The following PDE4D variants were observed in gnomAD, a reference collection of about 807,000 sequenced individuals.
PDE4D encodes the protein 3',5'-cyclic-AMP phosphodiesterase 4D.
PDE4D carries 24 observed loss-of-function variants against 87.4 expected under a neutral mutation model. That is an observed-to-expected ratio of 0.27 (90% CI 0.20 to 0.39). The LOEUF (loss-of-function observed/expected upper bound fraction) is 0.39. Among genes scored for constraint, PDE4D ranks in the 10% least tolerant of loss-of-function variants. The probability of loss-of-function intolerance (pLI) is 1.00; values close to 1 mark genes in which losing one functional copy is unlikely to be tolerated. For synonymous variants in PDE4D, 384 were observed against 383.2 expected (o/e 1.00, Z -0.02); for missense variants, 714 against 1,041.0 (o/e 0.69, Z 4.32).
intron 1 of PDE4D, among the ~76,000 whole-genome samples, chr5:60,349,152 C>T (rs1313950063): frequency 6.6e-6 from 1 of 152,104 alleles, no homozygotes; most frequent in African/African-American, 2.4e-5. Flanking sequence ...AAGCCAATTG[C>T]TGTTTTTCTC....
chr5:59,582,733 G>T (rs534941570), intron 1 of PDE4D, among the ~76,000 whole-genome samples: 4 of 152,248 alleles, frequency 2.6e-5, no homozygotes, highest in African/African-American at 9.6e-5. Context: ...TCTAATGAAA[G>T]AATTTAGGGT....
chr5:59,905,766 T>C (rs1478869180), intron 3 of PDE4D, among the ~76,000 whole-genome samples: 6 of 152,178 alleles, frequency 3.9e-5, no homozygotes, highest in Non-Finnish European at 5.9e-5. Flanking sequence ...CCATATATGA[T>C]GTTATACATA....
intron 1 of PDE4D, among the ~76,000 whole-genome samples, chr5:60,416,075 T>TTTGTAA (rs1339940006): frequency 1.3e-5 from 2 of 152,188 alleles, no homozygotes; most frequent in Admixed American, 6.5e-5. Context: ...GCACTCTGTG[T>TTTGTAA]CTAGCTCAGG....
intron 5 of PDE4D, among the ~76,000 whole-genome samples, chr5:59,093,207 T>C (rs1769056017): frequency 6.6e-6 from 1 of 152,148 alleles, no homozygotes; most frequent in Admixed American, 6.6e-5. Flanking sequence ...GACTTACTGC[T>C]TGGAGGCAGC....
chr5:59,778,840 T>G (rs1764328862), intron 1 of PDE4D, among the ~76,000 whole-genome samples: 1 of 152,194 alleles, frequency 6.6e-6, no homozygotes, highest in African/African-American at 2.4e-5. Flanking sequence ...TTTATACTGA[T>G]CTATCTACTA....
At chr5:59,380,872 C>CT (rs1368586019) in intron 1 of PDE4D, among the ~76,000 whole-genome samples, 13 of 152,068 alleles carry the variant, frequency 8.5e-5, no homozygotes, top group Non-Finnish European at 8.8e-5. Context: ...CTGCCCACTA[C>CT]TTTTTTTCAT....
At chr5:59,439,226 GCA>G (rs1341320085) in intron 1 of PDE4D, among the ~76,000 whole-genome samples, 1 of 152,064 alleles carries the variant, frequency 6.6e-6, no homozygotes, top group Non-Finnish European at 1.5e-5. Flanking sequence ...GTGCATGGTG[GCA>G]CACACCTGTA....
intron 3 of PDE4D, among the ~76,000 whole-genome samples, chr5:59,952,591 T>C (rs1758416929): frequency 1.3e-5 from 2 of 152,232 alleles, no homozygotes. Context: ...AGGATACTTG[T>C]TGTTGATCCA....
chr5:60,409,034 C>T (rs755661579), intron 1 of PDE4D, among the ~76,000 whole-genome samples: 7 of 152,176 alleles, frequency 4.6e-5, no homozygotes, highest in African/African-American at 7.2e-5. Context: ...GGACACAGCC[C>T]CTGTCCTCTT....
chr5:59,594,124 GC>G (rs1826301573), intron 1 of PDE4D, among the ~76,000 whole-genome samples: 1 of 145,454 alleles, frequency 6.9e-6, no homozygotes, highest in Non-Finnish European at 1.5e-5. Flanking sequence ...GCCCACGTTA[GC>G]CATTCTCTCT....
At chr5:59,376,477 G>A (rs373150422) in intron 1 of PDE4D, among the ~76,000 whole-genome samples, 20 of 152,192 alleles carry the variant, frequency 1.3e-4, no homozygotes, top group African/African-American at 4.8e-4. Context: ...CAGATAACCA[G>A]GGAGGTGAAA....
At chr5:59,718,479 C>T (rs1755345248) in intron 1 of PDE4D, among the ~76,000 whole-genome samples, 1 of 152,138 alleles carries the variant, frequency 6.6e-6, no homozygotes, top group Non-Finnish European at 1.5e-5. Context: ...AGGATTACAA[C>T]TCTTGAAGGC....
intron 1 of PDE4D, among the ~76,000 whole-genome samples, chr5:60,305,187 G>A (rs201163426): frequency 6.6e-6 from 1 of 151,640 alleles, no homozygotes; most frequent in African/African-American, 2.4e-5. Flanking sequence ...CCTTAATAAA[G>A]AACCAATAAA....
intron 1 of PDE4D, among the ~76,000 whole-genome samples, chr5:59,396,148 A>G (rs1450539769): frequency 1.7e-5 from 2 of 119,454 alleles, no homozygotes; most frequent in Non-Finnish European, 3.5e-5. Context: ...ACCAAGTTGG[A>G]AAACACTCTG....
intron 1 of PDE4D, among the ~76,000 whole-genome samples, chr5:60,322,343 A>T (rs1174985648): frequency 1.3e-5 from 2 of 150,646 alleles, no homozygotes; most frequent in African/African-American, 4.9e-5. Flanking sequence ...TGGGAGCTAA[A>T]CATTGAATAT....
At chr5:59,020,926 C>T (rs1004437414) in intron 6 of PDE4D, among the ~76,000 whole-genome samples, 1 of 152,184 alleles carries the variant, frequency 6.6e-6, no homozygotes, top group Non-Finnish European at 1.5e-5. Context: ...CTCTGTTTCT[C>T]AGCTGCATTT....
intron 1 of PDE4D, among the ~76,000 whole-genome samples, chr5:59,522,043 A>C (rs1812338974): frequency 1.3e-5 from 2 of 152,230 alleles, no homozygotes; most frequent in South Asian, 4.1e-4. Flanking sequence ...GTTTGAAATT[A>C]TTATAGAACA....
chr5:60,443,067 A>G (rs1393248925), intron 1 of PDE4D, among the ~76,000 whole-genome samples: 1 of 152,154 alleles, frequency 6.6e-6, no homozygotes, highest in Non-Finnish European at 1.5e-5. Flanking sequence ...ATACGAGCAA[A>G]TAGACAGTTG....
At chr5:59,100,686 T>C (rs558615649) in intron 5 of PDE4D, among the ~76,000 whole-genome samples, 91 of 152,334 alleles carry the variant, frequency 6.0e-4, no homozygotes, top group African/African-American at 2.2e-3. Flanking sequence ...CAGACTTGAA[T>C]GATTTTCTTG....
Sources: allele counts gnomAD v4.1 joint callset (sites outside exome capture counted in the v4.1 genomes callset), GRCh38; gene constraint gnomAD v4.1.1; transcripts MANE v1.5; gene names NCBI Gene and HGNC (gene_info 2026-07-23, HGNC 2026-07-21).